The following FASTKD3 variants were observed in gnomAD, a reference collection of about 807,000 sequenced individuals.
The protein encoded by FASTKD3 is FAST kinase domain-containing protein 3, mitochondrial.
FASTKD3 carries 47 observed loss-of-function variants against 49.7 expected under a neutral mutation model. That is an observed-to-expected ratio of 0.95 (90% CI 0.75 to 1.21). The LOEUF (loss-of-function observed/expected upper bound fraction) is 1.21. FASTKD3 is among the 50% of genes most tolerant of loss of function. The pLI, the probability that FASTKD3 is intolerant of heterozygous loss-of-function variation, is 0.00. For synonymous variants in FASTKD3, 284 were observed against 288.6 expected, an observed-to-expected ratio of 0.98 and a Z score of 0.16; for missense variants, 748 against 765.7, an observed-to-expected ratio of 0.98 and a Z score of 0.27.
chr5:7,867,876 C>T lies in FASTKD3; in HGVS notation c.208G>A (p.Gly70Arg). The T allele has an allele frequency of 6.2e-7, 1 of 1,614,130 alleles. No homozygotes were observed. Among genetic ancestry groups the T allele is most frequent in the Non-Finnish European group, 8.5e-7 (1 of 1,180,032 alleles). ...AHCKKFHSKN[G>R]NDLHPLGGPV... is the part of the protein sequence containing the mutation. ...CCACCGAGTGGATGAAGGTCATTTC[C>T]ATTTTTCGAATGAAACTTTTTACAA... The change falls in exon 2 of 7, where the codon GGA becomes AGA. Residue 70 changes from glycine to arginine, a missense_variant. Around this residue, in one of 3 missense-constraint regions of FASTKD3, gnomAD observed 564 missense variants for 562.8 expected, o/e 1.00. Coordinates refer to ENST00000264669, the MANE Select transcript of FASTKD3 (RefSeq NM_024091.4).
At chr5:7,868,284 G>C in intron 1 of FASTKD3, 88 bp from the exon 2 acceptor site, 1 of 511,890 alleles carries the variant, frequency 2.0e-6, no homozygotes, top group South Asian at 3.3e-5. Context: ...TTAGAAGAGT[G>C]GCTGACATTG....
chr5:7,866,398 T>C (rs1746950966), intron 2 of FASTKD3, among the ~76,000 whole-genome samples: 2 of 151,976 alleles, frequency 1.3e-5, no homozygotes. Context: ...TTACCATATC[T>C]CCTAAGAATG....
intron 6 of FASTKD3, among the ~76,000 whole-genome samples, chr5:7,859,966 A>G (rs1381208731): frequency 6.6e-6 from 1 of 152,154 alleles, no homozygotes; most frequent in African/African-American, 2.4e-5. Context: ...AGGACGCAGC[A>G]GGGACAAAGA....
intron 6 of FASTKD3, among the ~76,000 whole-genome samples, chr5:7,860,095 G>A (rs1368066597): frequency 6.6e-6 from 1 of 152,134 alleles, no homozygotes; most frequent in Non-Finnish European, 1.5e-5. Context: ...ACCATTGGAG[G>A]GTCTTGAATG....
rs753494038 is a variant in FASTKD3, at chr5:7,867,118, G to T, written c.966C>A (p.Val322=). The change falls in exon 2 of 7, where the codon GTC becomes GTA. Residue 322 remains valine, a synonymous_variant. Transcript: ENST00000264669. ...FPLIIKLGKY[V]VRHVPHFTNE... ...TAGTGAAATGTGGGACATGCCTCAC[G>T]ACATATTTGCCCAATTTTATAATCA... The T allele has an allele frequency of 1.2e-6, 2 of 1,614,094 alleles. No homozygotes were observed. Among genetic ancestry groups the T allele is most frequent in the Non-Finnish European group, 1.7e-6 (2 of 1,180,030 alleles).
Position 7,867,276 on chromosome 5 carries a change from C to G in FASTKD3, c.808G>C (p.Val270Leu), listed in dbSNP as rs1369481030. The G allele has an allele frequency of 4.3e-6, 7 of 1,613,638 alleles. No homozygotes were observed. Among genetic ancestry groups the G allele is most frequent in the Non-Finnish European group, 5.9e-6 (7 of 1,180,030 alleles). ...YRILQACTEK[V>L]DEHQTFLNKI... ...TTTAAAAATGTTTGGTGTTCATCCACTTTTTCAGTACATGCCTGCAAGATT... is the reference window on the plus strand; with the variant it reads ...TTTAAAAATGTTTGGTGTTCATCCAGTTTTTCAGTACATGCCTGCAAGATT... Residue 270 changes from valine (V) to leucine (L), a missense_variant, in exon 2 of 7, where the codon GTG becomes CTG. Physicochemically the swap from Val to Leu is conservative, Grantham distance 32 (BLOSUM62 1). Coordinates refer to ENST00000264669, the MANE Select transcript of FASTKD3 (RefSeq NM_024091.4).
At chr5:7,865,262 C>A (rs889541045) in intron 3 of FASTKD3, among the ~76,000 whole-genome samples, 1 of 152,046 alleles carries the variant, frequency 6.6e-6, no homozygotes, top group African/African-American at 2.4e-5. Context: ...ACTGTCTAAG[C>A]TGTTTTAAAA....
chr5:7,859,603 GGTTACTTT>G, intron 6 of FASTKD3, 64 bp from the exon 7 acceptor site: 5 of 1,074,598 alleles, frequency 4.7e-6, no homozygotes, highest in Non-Finnish European at 6.8e-6. Flanking sequence ...TCTGGCTATT[GGTTACTTT>G]GTTTGTTTCT....
chr5:7,867,544 A>C lies in FASTKD3; in HGVS notation c.540T>G (p.Thr180=), dbSNP rs770559770. 4 of 1,614,278 alleles carry C rather than the reference A, an allele frequency of 2.5e-6. No homozygotes were observed. Among genetic ancestry groups the C allele is most frequent in the East Asian group, 2.2e-5 (1 of 44,890 alleles). ...GCAACAGAATCAGAGCTTGCAAAGC[A>C]GTCACTAAACTAGTGTTTGACAGCT... is the stretch of plus-strand genomic sequence containing the variant. ...PSQLSNTSLV[T]ALQALILLHV... Residue 180 remains threonine, a synonymous_variant, in exon 2 of 7, where the codon ACT becomes ACG. Coordinates refer to ENST00000264669, the MANE Select transcript of FASTKD3 (RefSeq NM_024091.4).
Position 7,868,199 on chromosome 5 carries a change from G to GT in FASTKD3, c.-113-4_-113-3insA. 1.1e-4 allele frequency: 19 copies of GT among 174,814 alleles called. No individual in the cohort carries two copies. The highest frequency in any genetic ancestry group is 5.9e-4 in the South Asian group (2 of 3,406). The allele number at this position is 174,814 out of a possible 1,614,324, so 10.8% of individuals were successfully genotyped here. ...TTTATGAAACTACAAACGAGTATCTGGAAAAAAAAAAAAAAAAAAAAAAAG... is the reference window on the plus strand; with the variant it reads ...TTTATGAAACTACAAACGAGTATCTGTGAAAAAAAAAAAAAAAAAAAAAAAG... On this transcript the variant is annotated splice_polypyrimidine_tract_variant and splice_region_variant and intron_variant, in intron 1 of 6. Coordinates refer to ENST00000264669, the MANE Select transcript of FASTKD3 (RefSeq NM_024091.4).
In FASTKD3 at chr5:7,867,191, T is replaced by C. The variant is rs781701498; in HGVS notation, c.893A>G (p.Gln298Arg). ...VSNLSPKLISQMLTALVVLDQ... is the reference protein window; with the variant it reads ...VSNLSPKLISRMLTALVVLDQ... Reference sequence around the variant, plus strand: ...AAGAACCACCAGGGCAGTGAGCATTTGGCTAATCAATTTAGGACTCAGGTT... The same window carrying C: ...AAGAACCACCAGGGCAGTGAGCATTCGGCTAATCAATTTAGGACTCAGGTT... The change falls in exon 2 of 7, where the codon CAA (glutamine) becomes CGA (arginine). Residue 298 changes from glutamine to arginine, a missense_variant. Gln to Arg is a conservative substitution (Grantham distance 43, BLOSUM62 1). This residue lies in a region of FASTKD3 where 564 missense variants were observed against 562.8 expected (regional missense o/e 1.00). Coordinates refer to ENST00000264669, the MANE Select transcript of FASTKD3 (RefSeq NM_024091.4). 1.2e-6 allele frequency: 2 copies of C among 1,614,198 alleles called. No homozygotes were observed. The highest frequency in any genetic ancestry group is 3.3e-5 in the Admixed American group (2 of 60,030).
At chr5:7,868,701 A>C (rs1452533795) in intron 1 of FASTKD3, among the ~76,000 whole-genome samples, 2 of 152,188 alleles carry the variant, frequency 1.3e-5, no homozygotes, top group African/African-American at 2.4e-5. Context: ...AAAAAGCAAA[A>C]CATAGATCAA....
At chr5:7,868,383 C>T (rs1028988572) in intron 1 of FASTKD3, among the ~76,000 whole-genome samples, 187 bp from the exon 2 acceptor site, 3 of 152,078 alleles carry the variant, frequency 2.0e-5, no homozygotes, top group Admixed American at 6.5e-5. Flanking sequence ...TCATTTTACA[C>T]GAGGAAGAAG....
At chr5:7,868,307 C>T (rs1747209662) in intron 1 of FASTKD3, 111 bp from the exon 2 acceptor site, 2 of 479,800 alleles carry the variant, frequency 4.2e-6, no homozygotes, top group Admixed American at 7.6e-5. Context: ...CAATAACAAT[C>T]GCTATTACTT....
chr5:7,863,241 C>T (rs1240724286), intron 3 of FASTKD3: 1 of 447,282 alleles, frequency 2.2e-6, no homozygotes, highest in Non-Finnish European at 4.0e-6. Context: ...TTACCATAAA[C>T]AGAAAGAAAA....
At position 7,867,969 on chromosome 5, in the gene FASTKD3, C is replaced by T. The variant is rs1271755008; in HGVS notation, c.115G>A (p.Glu39Lys). ...GAACACAACCAAGGGCACAGACGCT[C>T]CTTGACTACCTTGTGAACATGATTT... The part of the protein sequence containing the change: ...PLNHVHKVVK[E>K]RLCPWLCSRQ... The change falls in exon 2 of 7, where the codon GAG (glutamate) becomes AAG (lysine). Residue 39 changes from glutamate (E) to lysine (K), a missense_variant. Transcript: ENST00000264669. 6.2e-7 allele frequency: 1 copy of T among 1,613,984 alleles called. No individual in the cohort carries two copies. The highest frequency in any genetic ancestry group is 8.5e-7 in the Non-Finnish European group (1 of 1,180,030).
In FASTKD3 at chr5:7,865,898, C is replaced by T; in HGVS notation, c.1524G>A (p.Lys508=). The T allele has an allele frequency of 6.2e-7, 1 of 1,612,442 alleles. No homozygotes were observed. Among genetic ancestry groups the T allele is most frequent in the Non-Finnish European group, 8.5e-7 (1 of 1,178,544 alleles). ...AGCCACATATAGTTCATGCTTTTAC[C>T]TTATAGAAAGGGCATTCCAGGACTG... ...LASVLECPFY[K]GPKLLPKYQV... is the part of the protein sequence containing the mutation. The change falls in exon 3 of 7, where the codon AAG becomes AAA. Residue 508 remains lysine, a splice_region_variant and synonymous_variant. Coordinates refer to ENST00000264669, the MANE Select transcript of FASTKD3 (RefSeq NM_024091.4).
rs756001427 is a variant in FASTKD3 at position 7,867,003 on chromosome 5, C to CTGTGCCTAG, written c.1080_1081insCTAGGCACA (p.Ala360_Ala361insLeuGlyThr). On this transcript the variant is annotated inframe_insertion, in exon 2 of 7. Transcript: ENST00000264669. The stretch of plus-strand genomic sequence containing the variant: ...TCAGGATCCAACGTGAGGCACACCG[C>CTGTGCCTAG]AGCTACACGATGCTCTAGGGCTTTT... 8 of 1,614,038 alleles carry CTGTGCCTAG rather than the reference C, an allele frequency of 5.0e-6. No individual in the cohort carries two copies. Among genetic ancestry groups the CTGTGCCTAG allele is most frequent in the African/African-American group, 4.0e-5 (3 of 74,902 alleles).
In FASTKD3 at chr5:7,867,374, T is replaced by C; in HGVS notation, c.710A>G (p.Glu237Gly). 1.2e-6 allele frequency: 2 copies of C among 1,614,210 alleles called. No individual in the cohort carries two copies. Among genetic ancestry groups the C allele is most frequent in the Non-Finnish European group, 1.7e-6 (2 of 1,180,036 alleles). The change falls in exon 2 of 7, where the codon GAA becomes GGA. Residue 237 changes from glutamate (E) to glycine (G), a missense_variant. Transcript: ENST00000264669. ...ACCTTGAAGTTGATTTATAATGAGT[T>C]CTAGTGTCACACAACCTGAACTGTG... ...TLHSSGCVTL[E>G]LIINQLQGEK...
Sources: gnomAD v4.1 joint callset for allele counts (sites outside exome capture counted in the v4.1 genomes callset) on GRCh38, gnomAD v4.1.1 for gene constraint, gnomAD v4.1.1 regional missense constraint, MANE v1.5 for transcripts, NCBI Gene and HGNC (gene_info 2026-07-23, HGNC 2026-07-21) for gene names.